The following CRTAC1 variants were observed in gnomAD, a reference collection of about 807,000 sequenced individuals.
CRTAC1 encodes cartilage acidic protein 1, also known as acidic secreted protein in cartilage.
Under a neutral mutation model 67.8 loss-of-function variants are expected in CRTAC1, and 37 were observed. That is an observed-to-expected ratio of 0.55 (90% CI 0.42 to 0.72). The LOEUF is 0.72. Among genes scored for constraint, CRTAC1 ranks in the 30% least tolerant of loss-of-function variants. The probability of loss-of-function intolerance (pLI) is 0.00; values close to 1 mark genes in which losing one functional copy is unlikely to be tolerated. For missense variants in CRTAC1, 780 were observed against 931.6 expected (o/e 0.84, Z 2.12); for synonymous variants, 348 against 371.0 (o/e 0.94, Z 0.71).
intron 3 of CRTAC1, among the ~76,000 whole-genome samples, chr10:97,931,266 G>A (rs1014715469): frequency 7.2e-5 from 11 of 152,158 alleles, no homozygotes; most frequent in African/African-American, 2.7e-4. Context: ...AGTGGCCCTA[G>A]GAAGGACAAT....
Position 98,029,491 on chromosome 10 carries a change from A to AGCTGCGGCG in CRTAC1, c.24+957_24+958insCGCCGCAGC, listed in dbSNP as rs537163318. 1.4e-5 allele frequency among the ~76,000 whole-genome samples: 2 copies of AGCTGCGGCG among 140,364 alleles called. No individual in the cohort carries two copies. The highest frequency in any genetic ancestry group is 5.7e-5 in the African/African-American group (2 of 35,284). The allele number at this position is 140,364 out of a possible 152,430, so 92.1% of individuals were successfully genotyped here. ...ACTGGGTGCACCCACCAGCAGCAGCAGCGGCGGCGGCGGCGGCGGCGGCGG... is the reference window on the plus strand; with the variant it reads ...ACTGGGTGCACCCACCAGCAGCAGCAGCTGCGGCGGCGGCGGCGGCGGCGGCGGCGGCGG... On this transcript the variant is annotated intron_variant, in intron 1 of 14. Coordinates refer to ENST00000370597, the MANE Select transcript of CRTAC1 (RefSeq NM_018058.7). This position sits in a 1 kb window ranked among gnomAD's most constrained non-coding sequence, Gnocchi z 4.7.
chr10:97,951,086 G>A (rs1371741907), intron 2 of CRTAC1, among the ~76,000 whole-genome samples: 1 of 152,212 alleles, frequency 6.6e-6, no homozygotes, highest in Non-Finnish European at 1.5e-5. Context: ...CCCTGTATCT[G>A]TCAAGACAAA....
At chr10:97,889,741 G>C (rs906778525) in intron 11 of CRTAC1, among the ~76,000 whole-genome samples, 22 of 152,270 alleles carry the variant, frequency 1.4e-4, no homozygotes, top group African/African-American at 4.3e-4. Context: ...GCACCTTGCT[G>C]CAAAGTCATG....
At chr10:97,926,332 C>T (rs2050918149) in intron 3 of CRTAC1, among the ~76,000 whole-genome samples, 1 of 152,178 alleles carries the variant, frequency 6.6e-6, no homozygotes, top group Admixed American at 6.5e-5. Context: ...GTCTTGGTTT[C>T]CTCATCTAAA....
intron 3 of CRTAC1, among the ~76,000 whole-genome samples, chr10:97,926,320 A>G (rs2050917893): frequency 6.6e-6 from 1 of 152,166 alleles, no homozygotes; most frequent in Non-Finnish European, 1.5e-5. Flanking sequence ...GCGAGGCCCC[A>G]GGTCTTGGTT....
At chr10:97,926,217 G>T (rs11819548) in intron 3 of CRTAC1, among the ~76,000 whole-genome samples, 118,183 of 152,066 alleles carry the variant, frequency 0.78, 46,166 homozygotes, top group East Asian at 0.92. Flanking sequence ...TGGATGCACA[G>T]GGGGGAAACT....
intron 3 of CRTAC1, among the ~76,000 whole-genome samples, chr10:97,926,785 G>C (rs532012499): frequency 6.6e-6 from 1 of 152,316 alleles, no homozygotes; most frequent in African/African-American, 2.4e-5. Flanking sequence ...GGGCTCTCGA[G>C]AAGGGACTTG....
rs1011651325 is a variant in CRTAC1, at chr10:97,897,938, G to T, written c.1134-947C>A. Among the ~76,000 whole-genome samples, 7 of 152,338 alleles carry T rather than the reference G, an allele frequency of 4.6e-5. No homozygotes were observed. In the South Asian group the frequency reaches 1.2e-3, roughly 27 times the overall value. ...GATACAGTCATAGCTTCAGGAGGGG[G>T]TCGGAGTCCCCTGAGCTGGAGCCTT... On this transcript the variant is annotated intron_variant, in intron 8 of 14. Coordinates refer to ENST00000370597, the MANE Select transcript of CRTAC1 (RefSeq NM_018058.7).
intron 2 of CRTAC1, among the ~76,000 whole-genome samples, chr10:97,949,039 G>T (rs1286056239): frequency 1.3e-5 from 2 of 152,206 alleles, no homozygotes; most frequent in African/African-American, 2.4e-5. Context: ...TGCAATTCAA[G>T]ATAAGATTTG....
At chr10:97,905,203 T>C (rs1038175257) in intron 6 of CRTAC1, among the ~76,000 whole-genome samples, 2 of 152,188 alleles carry the variant, frequency 1.3e-5, no homozygotes, top group African/African-American at 4.8e-5. Context: ...CTTAAGCTGA[T>C]CATGCCCTCC....
chr10:97,973,083 C>T (rs1018201436), intron 2 of CRTAC1, among the ~76,000 whole-genome samples: 2 of 152,122 alleles, frequency 1.3e-5, no homozygotes, highest in Admixed American at 6.5e-5. Context: ...AGGAATATGC[C>T]ATAATGCCAA....
At chr10:98,024,696 T>C (rs969157550) in intron 1 of CRTAC1, among the ~76,000 whole-genome samples, 1 of 151,918 alleles carries the variant, frequency 6.6e-6, no homozygotes, top group Admixed American at 6.6e-5. Context: ...TCTAGGGTTT[T>C]TGAAGGGCAA....
At chr10:98,003,582 A>G (rs1344623209) in intron 2 of CRTAC1, among the ~76,000 whole-genome samples, 1 of 152,066 alleles carries the variant, frequency 6.6e-6, no homozygotes, top group Non-Finnish European at 1.5e-5. Flanking sequence ...CACTTTTAAG[A>G]CCTTTTGATT....
intron 14 of CRTAC1, chr10:97,879,649 A>T (rs1212210544): frequency 7.2e-6 from 11 of 1,535,012 alleles, no homozygotes; most frequent in Non-Finnish European, 8.8e-6. Flanking sequence ...AAAGGCTGTT[A>T]GTTTTGTTTT....
At chr10:97,955,050 GATAATA>G (rs2051419553) in intron 2 of CRTAC1, among the ~76,000 whole-genome samples, 2 of 152,050 alleles carry the variant, frequency 1.3e-5, no homozygotes, top group African/African-American at 2.4e-5. Flanking sequence ...TAACAGTTAG[GATAATA>G]ATAATAATAG....
intron 5 of CRTAC1, among the ~76,000 whole-genome samples, chr10:97,913,700 C>T (rs190892211): frequency 1.0e-3 from 157 of 152,308 alleles, no homozygotes; most frequent in African/African-American, 3.7e-3. Context: ...TGCTGCACTT[C>T]CTGGGGGTCC....
chr10:97,950,240 C>T (rs559852), intron 2 of CRTAC1, among the ~76,000 whole-genome samples: 2 of 104,128 alleles, frequency 1.9e-5, no homozygotes, highest in African/African-American at 3.7e-5. Context: ...CGTGCACACA[C>T]ACACACAGAG....
At chr10:97,947,315 C>T (rs2051281706) in intron 2 of CRTAC1, among the ~76,000 whole-genome samples, 1 of 152,174 alleles carries the variant, frequency 6.6e-6, no homozygotes, top group Non-Finnish European at 1.5e-5. Context: ...GGAGTGGTCC[C>T]AATCCCAAGC....
intron 2 of CRTAC1, among the ~76,000 whole-genome samples, chr10:97,991,993 T>C (rs1386442314): frequency 6.6e-6 from 1 of 152,214 alleles, no homozygotes; most frequent in Non-Finnish European, 1.5e-5. Flanking sequence ...ATGTTTTGCA[T>C]GTGGGGATGC....
Sources: gnomAD v4.1 joint callset for allele counts (sites outside exome capture counted in the v4.1 genomes callset) on GRCh38, gnomAD v4.1.1 for gene constraint, Gnocchi (gnomAD v3.1) non-coding constraint, MANE v1.5 for transcripts, NCBI Gene and HGNC (gene_info 2026-07-23, HGNC 2026-07-21) for gene names.